Variants in RAB3GAP2 observed in about 807,000 individuals in gnomAD.
The protein encoded by RAB3GAP2 is rab3 GTPase-activating protein non-catalytic subunit.
RAB3GAP2 carries 87 observed loss-of-function variants against 185.3 expected under a neutral mutation model. The observed-to-expected ratio is 0.47, with a 90% confidence interval of 0.39 to 0.56. The LOEUF is 0.56. Among genes scored for constraint, RAB3GAP2 ranks in the 20% least tolerant of loss-of-function variants. The pLI, the probability that RAB3GAP2 is intolerant of heterozygous loss-of-function variation, is 0.00. For missense variants in RAB3GAP2, 1,492 were observed against 1,638.2 expected (o/e 0.91, Z 1.54); for synonymous variants, 554 against 576.1 (o/e 0.96, Z 0.55).
intron 2 of RAB3GAP2, among the ~76,000 whole-genome samples, chr1:220,217,925 C>A (rs758479586): frequency 6.6e-6 from 1 of 152,158 alleles, no homozygotes; most frequent in Non-Finnish European, 1.5e-5. Context: ...GATCAAGCTG[C>A]TGCTACCCCA....
intron 1 of RAB3GAP2, among the ~76,000 whole-genome samples, chr1:220,248,397 G>A (rs1158180484): frequency 6.6e-6 from 1 of 152,008 alleles, no homozygotes; most frequent in Non-Finnish European, 1.5e-5. Context: ...ACTATGTAAG[G>A]TGATTGTAAC....
In RAB3GAP2 at chr1:220,171,052, G is replaced by A. The variant is rs1658165923; in HGVS notation, c.2646C>T (p.Asp882=). 2 of 1,614,166 alleles carry A rather than the reference G, an allele frequency of 1.2e-6. No individual in the cohort carries two copies. The highest frequency in any genetic ancestry group is 1.1e-5 in the South Asian group (1 of 91,090). ...TCAGAAGGAGTTTCCAGTACTCAGT[G>A]TCAAGAGAAAGTGCCTCCCAGGAAT... ...LTDSWEALSL[D]TEYWKLLLKQ... The change falls in exon 24 of 35, where the codon GAC becomes GAT. Residue 882 remains aspartate (D), a synonymous_variant. Coordinates refer to ENST00000358951, the MANE Select transcript of RAB3GAP2 (RefSeq NM_012414.4).
At chr1:220,218,799 T>C (rs1003454005) in intron 2 of RAB3GAP2, among the ~76,000 whole-genome samples, 8 of 151,954 alleles carry the variant, frequency 5.3e-5, no homozygotes, top group Non-Finnish European at 7.4e-5. Flanking sequence ...GTGCTCTTAA[T>C]ACAAGCTCCA....
intron 21 of RAB3GAP2, among the ~76,000 whole-genome samples, chr1:220,180,513 G>C (rs1658383006): frequency 6.6e-6 from 1 of 152,106 alleles, no homozygotes. Flanking sequence ...ATTATGAACA[G>C]CTTTATGCCA....
chr1:220,199,509 C>T (rs1413978585), intron 9 of RAB3GAP2, among the ~76,000 whole-genome samples: 7 of 152,084 alleles, frequency 4.6e-5, no homozygotes, highest in Non-Finnish European at 8.8e-5. Context: ...TTGAACTCTA[C>T]GAAACATTCC....
At chr1:220,248,769 G>T (rs1444853052) in intron 1 of RAB3GAP2, among the ~76,000 whole-genome samples, 1 of 152,112 alleles carries the variant, frequency 6.6e-6, no homozygotes, top group African/African-American at 2.4e-5. Flanking sequence ...TGTGCCATGG[G>T]AGAGACCCAG....
At position 220,182,847 on chromosome 1, in the gene RAB3GAP2, T is replaced by C; in HGVS notation, c.2083A>G (p.Arg695Gly). The C allele has an allele frequency of 3.1e-6, 5 of 1,613,600 alleles. No homozygotes were observed. Among genetic ancestry groups the C allele is most frequent in the Non-Finnish European group, 3.4e-6 (4 of 1,179,662 alleles). ...TCATCAGAAAATCGAACATTTGTCC[T>C]GGTGTTCTCTTGCTTATATTTCTCT... ...LLEKYKQENTRTNVRFSDDKD... is the reference protein window; with the variant it reads ...LLEKYKQENTGTNVRFSDDKD... The change falls in exon 20 of 35, where the codon AGG becomes GGG. Residue 695 changes from arginine to glycine, a missense_variant. Around this residue, in one of 5 missense-constraint regions of RAB3GAP2, gnomAD observed 681 missense variants for 689.1 expected, o/e 0.99. Coordinates refer to ENST00000358951, the MANE Select transcript of RAB3GAP2 (RefSeq NM_012414.4).
At chr1:220,189,970 C>A (rs1658582740) in intron 16 of RAB3GAP2, 94 bp downstream of exon 16, 8 of 1,144,886 alleles carry the variant, frequency 7.0e-6, no homozygotes, top group Non-Finnish European at 9.2e-6. Flanking sequence ...TAAGCTCATC[C>A]ATGCATTATT....
chr1:220,260,054 A>G (rs560297071), intron 1 of RAB3GAP2, among the ~76,000 whole-genome samples: 2 of 152,362 alleles, frequency 1.3e-5, no homozygotes, highest in African/African-American at 4.8e-5. Flanking sequence ...ATCTTATGCC[A>G]GTCAGAATGA....
chr1:220,252,407 G>A (rs887965179), intron 1 of RAB3GAP2, among the ~76,000 whole-genome samples: 1 of 152,166 alleles, frequency 6.6e-6, no homozygotes, highest in Non-Finnish European at 1.5e-5. Context: ...ACCTGAAATG[G>A]ACGATTAGAA....
At chr1:220,209,977 G>T (rs1437092309) in intron 7 of RAB3GAP2, among the ~76,000 whole-genome samples, 1 of 152,100 alleles carries the variant, frequency 6.6e-6, no homozygotes, top group Non-Finnish European at 1.5e-5. Context: ...CCTTTTCTGA[G>T]AAACAGTTAA....
chr1:220,158,824 C>T lies in RAB3GAP2; in HGVS notation c.3261+562G>A, dbSNP rs1657907689. On this transcript the variant is annotated intron_variant, in intron 29 of 34. Transcript: ENST00000358951. This position sits in a 1 kb window ranked among gnomAD's most constrained non-coding sequence, Gnocchi z 4.3. ...TTCAGTGTTTGTGGGTACATGCACA[C>T]ACACATGCATGCACACACACGTACA... Among the ~76,000 whole-genome samples, 1 of 152,118 alleles carries T rather than the reference C, an allele frequency of 6.6e-6. No homozygotes were observed. Among genetic ancestry groups the T allele is most frequent in the African/African-American group, 2.4e-5 (1 of 41,422 alleles).
In RAB3GAP2 at chr1:220,189,696, CACTT is replaced by C; in HGVS notation, c.1779+3_1779+6del. The C allele has an allele frequency of 6.4e-7, 1 of 1,560,516 alleles. No individual in the cohort carries two copies. The highest frequency in any genetic ancestry group is 8.8e-7 in the Non-Finnish European group (1 of 1,141,234). ...AGCAGGAAAGTTCGTGTATTATATA[CACTT>C]ACTTGTTTTTTGGTTGCAGGGTATT... is the stretch of plus-strand genomic sequence containing the variant. On this transcript the variant is annotated splice_donor_5th_base_variant and intron_variant, in intron 17 of 34. Coordinates refer to ENST00000358951, the MANE Select transcript of RAB3GAP2 (RefSeq NM_012414.4).
chr1:220,200,530 A>G (rs1482303101), intron 9 of RAB3GAP2: 2 of 524,992 alleles, frequency 3.8e-6, no homozygotes, highest in South Asian at 2.9e-5. Context: ...AATAACGTTT[A>G]TTGTACCTTT....
intron 8 of RAB3GAP2, among the ~76,000 whole-genome samples, chr1:220,204,723 C>T (rs1658928402): frequency 6.7e-6 from 1 of 148,410 alleles, no homozygotes; most frequent in Admixed American, 6.7e-5. Context: ...TCTCCTAATG[C>T]TATCCCTCCC....
chr1:220,265,767 C>A (rs1225959164), intron 1 of RAB3GAP2, among the ~76,000 whole-genome samples: 1 of 151,716 alleles, frequency 6.6e-6, no homozygotes, highest in Non-Finnish European at 1.5e-5. Context: ...TCAACAAAAA[C>A]CAAAAAAATT....
chr1:220,269,721 CA>C (rs916876630), intron 1 of RAB3GAP2, among the ~76,000 whole-genome samples: 1 of 149,448 alleles, frequency 6.7e-6, no homozygotes, highest in South Asian at 2.1e-4. Context: ...GACTTCATCT[CA>C]AAAAAAAAGG....
At chr1:220,246,895 A>G (rs762797865) in intron 1 of RAB3GAP2, among the ~76,000 whole-genome samples, 12 of 151,524 alleles carry the variant, frequency 7.9e-5, no homozygotes, top group African/African-American at 2.4e-4. Flanking sequence ...CGATGTGCAC[A>G]TGTATAATAA....
At chr1:220,190,663 T>C (rs990339037) in intron 14 of RAB3GAP2, 143 bp from the exon 15 acceptor site, 7 of 823,380 alleles carry the variant, frequency 8.5e-6, no homozygotes, top group Admixed American at 2.3e-5. Context: ...AGCAAGTACA[T>C]AAGTAAAGCA....
Sources: gnomAD v4.1 joint callset for allele counts (sites outside exome capture counted in the v4.1 genomes callset) on GRCh38, gnomAD v4.1.1 for gene constraint, gnomAD v4.1.1 regional missense constraint, Gnocchi (gnomAD v3.1) non-coding constraint, MANE v1.5 for transcripts, NCBI Gene and HGNC (gene_info 2026-07-23, HGNC 2026-07-21) for gene names.